The following CCSER1 variants were observed in gnomAD, a reference collection of about 807,000 sequenced individuals.
The protein encoded by CCSER1 is coiled-coil serine rich protein 1, also known as serine-rich coiled-coil domain-containing protein 1.
Under a neutral mutation model 82.0 loss-of-function variants are expected in CCSER1, and 41 were observed. That is an observed-to-expected ratio of 0.50 (90% CI 0.39 to 0.65). The LOEUF is 0.65. Among genes scored for constraint, CCSER1 ranks in the 30% least tolerant of loss-of-function variants. The pLI, the probability that CCSER1 is intolerant of heterozygous loss-of-function variation, is 0.00. For synonymous variants in CCSER1, 414 were observed against 383.9 expected (o/e 1.08, Z -0.92); for missense variants, 1,119 against 1,064.2 (o/e 1.05, Z -0.72).
At position 90,852,900 on chromosome 4, in the gene CCSER1, C is replaced by T. The variant is rs116352456; in HGVS notation, c.2094+37055C>T. ...CGATTTATACTTATGGTTCAAAACT[C>T]TCTTTAGGTTCTGGCAGGTGTATTC... On this transcript the variant is annotated intron_variant, in intron 8 of 10. Coordinates refer to ENST00000509176, the MANE Select transcript of CCSER1 (RefSeq NM_001145065.2). Among the ~76,000 whole-genome samples, 1,317 of 152,220 alleles carry T rather than the reference C, an allele frequency of 8.7e-3. 6 individuals carry two copies. The highest frequency in any genetic ancestry group is 0.014 in the Non-Finnish European group (985 of 68,012).
intron 8 of CCSER1, among the ~76,000 whole-genome samples, chr4:90,845,359 T>TAAAAAAAAAAAAAAAAAAAAA (rs886923723): frequency 1.0e-5 from 1 of 96,586 alleles, no homozygotes. Flanking sequence ...AGACGCCATC[T>TAAAAAAAAAAAAAAAAAAAAA]AAAAAAAAAA....
chr4:91,097,841 T>C (rs1724658978), intron 10 of CCSER1, among the ~76,000 whole-genome samples: 1 of 152,234 alleles, frequency 6.6e-6, no homozygotes, highest in Non-Finnish European at 1.5e-5. Context: ...AGATGATTTA[T>C]GAATGTATCA....
At chr4:90,410,553 C>T (rs1050179706) in intron 4 of CCSER1, among the ~76,000 whole-genome samples, 3 of 152,044 alleles carry the variant, frequency 2.0e-5, no homozygotes, top group Admixed American at 1.3e-4. Context: ...TGAAATGAAG[C>T]AGAAATAAAG....
chr4:91,134,207 G>A (rs6850517), intron 10 of CCSER1, among the ~76,000 whole-genome samples: 111,045 of 152,104 alleles, frequency 0.73, 40,792 homozygotes, highest in Non-Finnish European at 0.78. Context: ...AGCCTGGGTA[G>A]CATAGCCAGA....
chr4:90,496,119 A>G (rs989735117), intron 5 of CCSER1, among the ~76,000 whole-genome samples: 1 of 152,172 alleles, frequency 6.6e-6, no homozygotes, highest in African/African-American at 2.4e-5. Context: ...AATAGATAAC[A>G]TTGGTTCTGA....
intron 1 of CCSER1, among the ~76,000 whole-genome samples, chr4:90,179,863 G>A (rs1383664379): frequency 6.6e-6 from 1 of 152,042 alleles, no homozygotes; most frequent in Non-Finnish European, 1.5e-5. Flanking sequence ...AACCTTTCAT[G>A]GTTTTGTTTC....
chr4:91,076,343 T>TC (rs1302228925), intron 9 of CCSER1, among the ~76,000 whole-genome samples: 5 of 146,930 alleles, frequency 3.4e-5, no homozygotes, highest in Non-Finnish European at 7.5e-5. Context: ...TTTTTTTTTT[T>TC]CCACTAAATG....
At chr4:90,907,902 C>T (rs1725742153) in intron 8 of CCSER1, among the ~76,000 whole-genome samples, 1 of 152,078 alleles carries the variant, frequency 6.6e-6, no homozygotes, top group Admixed American at 6.6e-5. Flanking sequence ...ATATTAACTT[C>T]CAATAGCAAA....
At chr4:90,574,722 T>C (rs1487690303) in intron 5 of CCSER1, among the ~76,000 whole-genome samples, 4 of 151,730 alleles carry the variant, frequency 2.6e-5, no homozygotes. Context: ...TTATAAATAA[T>C]AATAATAATT....
intron 10 of CCSER1, among the ~76,000 whole-genome samples, chr4:91,440,419 A>C (rs1272849906): frequency 6.6e-6 from 1 of 152,216 alleles, no homozygotes; most frequent in Non-Finnish European, 1.5e-5. Context: ...GAAACCAATG[A>C]GAACAAAGAA....
chr4:90,281,956 G>T, intron 1 of CCSER1, among the ~76,000 whole-genome samples: 1 of 152,012 alleles, frequency 6.6e-6, no homozygotes, highest in Non-Finnish European at 1.5e-5. Context: ...CTCACACATT[G>T]TGATGGGATA....
At chr4:90,856,583 A>G (rs1011130666) in intron 8 of CCSER1, among the ~76,000 whole-genome samples, 2 of 152,116 alleles carry the variant, frequency 1.3e-5, no homozygotes, top group Non-Finnish European at 2.9e-5. Flanking sequence ...GGAAATAACC[A>G]TCTTCCCCGA....
rs994635575 is a variant in CCSER1 at position 91,556,587 on chromosome 4, A to G, written c.2218-41985A>G. Among the ~76,000 whole-genome samples the G allele has an allele frequency of 1.1e-4, 16 of 151,086 alleles. 1 individual carries two copies. The highest frequency in any genetic ancestry group is 3.4e-4 in the African/African-American group (14 of 41,176). The stretch of plus-strand genomic sequence containing the variant: ...GGCAAAAAAATGAGTGTTCAAAACT[A>G]TCTAGACAGATTATAAATTAATAAT... On this transcript the variant is annotated intron_variant, in intron 10 of 10. Coordinates refer to ENST00000509176, the MANE Select transcript of CCSER1 (RefSeq NM_001145065.2).
chr4:90,845,123 G>A (rs1763045107), intron 8 of CCSER1, among the ~76,000 whole-genome samples: 1 of 152,114 alleles, frequency 6.6e-6, no homozygotes, highest in South Asian at 2.1e-4. Flanking sequence ...AACACTCTGG[G>A]GGGCCGAGGC....
intron 10 of CCSER1, among the ~76,000 whole-genome samples, chr4:91,415,854 A>G (rs1316383505): frequency 6.6e-6 from 1 of 152,034 alleles, no homozygotes; most frequent in Non-Finnish European, 1.5e-5. Context: ...CATCAGGGAT[A>G]TTGGCCTGAA....
At chr4:90,960,991 T>G (rs1352915748) in intron 9 of CCSER1, among the ~76,000 whole-genome samples, 2 of 152,200 alleles carry the variant, frequency 1.3e-5, no homozygotes, top group African/African-American at 2.4e-5. Flanking sequence ...ATAATGACTA[T>G]GCAACCTGTC....
In CCSER1 at chr4:91,118,571, G is replaced by C. The variant is rs1045753229; in HGVS notation, c.2217+32577G>C. ...ATTACAAGAATGAGCCACTGTGCCT[G>C]GCTGAGCCTAGTCATGAAGTCTCAT... is the stretch of plus-strand genomic sequence containing the variant. On this transcript the variant is annotated intron_variant, in intron 10 of 10. Coordinates refer to ENST00000509176, the MANE Select transcript of CCSER1 (RefSeq NM_001145065.2). Among the ~76,000 whole-genome samples the C allele has an allele frequency of 2.6e-5, 4 of 152,100 alleles. No homozygotes were observed. The East Asian group carries it at 7.7e-4, about 29-fold the overall frequency.
chr4:90,253,190 G>T (rs2153442740), intron 1 of CCSER1, among the ~76,000 whole-genome samples: 1 of 151,914 alleles, frequency 6.6e-6, no homozygotes, highest in Admixed American at 6.6e-5. Flanking sequence ...ATATAATTAT[G>T]TACATATTAT....
In CCSER1 at chr4:91,153,062, G is replaced by T. The variant is rs183079550; in HGVS notation, c.2217+67068G>T. 2.1e-4 allele frequency among the ~76,000 whole-genome samples: 32 copies of T among 151,992 alleles called. 2 individuals carry two copies. Among genetic ancestry groups the T allele is most frequent in the Non-Finnish European group, 3.5e-4 (24 of 67,880 alleles). ...CCTGAATTTGAATGTTGGCCTGCTT[G>T]CTAATTTGGGGAAGTTCTCCTGGAT... On this transcript the variant is annotated intron_variant, in intron 10 of 10. Transcript: ENST00000509176.
Sources: allele counts gnomAD v4.1 joint callset (sites outside exome capture counted in the v4.1 genomes callset), GRCh38; gene constraint gnomAD v4.1.1; transcripts MANE v1.5; gene names NCBI Gene and HGNC (gene_info 2026-07-23, HGNC 2026-07-21).